The following DLST variants were observed in gnomAD, a reference collection of about 807,000 sequenced individuals.
DLST encodes dihydrolipoyllysine-residue succinyltransferase component of 2-oxoglutarate dehydrogenase complex, mitochondrial.
In DLST, 17 loss-of-function variants were observed where a neutral mutation model predicts 53.1. The observed-to-expected ratio is 0.32, with a 90% CI of 0.22 to 0.48. The LOEUF is 0.48. Among genes scored for constraint, DLST ranks in the 20% least tolerant of loss-of-function variants. The pLI is 0.99. For missense variants in DLST, 512 were observed against 583.9 expected (o/e 0.88, Z 1.27); for synonymous variants, 206 against 204.8 (o/e 1.01, Z -0.05).
rs61747136 is a variant in DLST at position 74,892,906 on chromosome 14, C to G, written c.515C>G (p.Ala172Gly). Reference sequence around the variant, plus strand: ...CCAAAAGCAGAACCTACAGCAGCGGCAGTTCCTCCCCCTGCAGCACCCATA... The same window carrying G: ...CCAAAAGCAGAACCTACAGCAGCGGGAGTTCCTCCCCCTGCAGCACCCATA... ...AAPKAEPTAAAVPPPAAPIPT... is the reference protein window; with the variant it reads ...AAPKAEPTAAGVPPPAAPIPT... Residue 172 changes from alanine (A) to glycine (G), a missense_variant, in exon 8 of 15, where the codon GCA becomes GGA. Ala to Gly is a moderately conservative substitution (Grantham distance 60, BLOSUM62 0). Coordinates refer to ENST00000334220, the MANE Select transcript of DLST (RefSeq NM_001933.5). The G allele has an allele frequency of 1.9e-6, 3 of 1,614,040 alleles. No individual in the cohort carries two copies. In the African/African-American group the frequency reaches 4.0e-5, roughly 22 times the overall value.
chr14:74,883,294 CAAAAAAAAA>C (rs35879783), intron 2 of DLST, among the ~76,000 whole-genome samples: 2 of 67,274 alleles, frequency 3.0e-5, no homozygotes, highest in African/African-American at 9.4e-5. Context: ...GACTCCATCT[CAAAAAAAAA>C]AAAAAAAAAA....
chr14:74,881,920 C>G lies in DLST; in HGVS notation c.-34C>G. The G allele has an allele frequency of 3.3e-6, 5 of 1,516,988 alleles. No homozygotes were observed. Among genetic ancestry groups the G allele is most frequent in the Non-Finnish European group, 4.4e-6 (5 of 1,137,518 alleles). 94.0% of individuals were successfully genotyped at this position (1,516,988 alleles called of 1,614,324 possible). On this transcript the variant is annotated 5_prime_UTR_variant, in exon 1 of 15. The change creates a new upstream start codon in the 5' untranslated region. Transcript: ENST00000334220. ...TTCCGGTTGTTGTCCGGCCCTATATCCGGTGTCCGCCCGCCCTCGGCTCCT... is the reference window on the plus strand; with the variant it reads ...TTCCGGTTGTTGTCCGGCCCTATATGCGGTGTCCGCCCGCCCTCGGCTCCT...
chr14:74,882,519 G>A (rs1883560635), intron 1 of DLST, 72 bp from the exon 2 acceptor site: 1 of 1,485,090 alleles, frequency 6.7e-7, no homozygotes, highest in Non-Finnish European at 9.4e-7. Flanking sequence ...AGCTTTGAGC[G>A]TGTACTTAAA....
chr14:74,889,938 A>G lies in DLST; in HGVS notation c.316A>G (p.Ile106Val), dbSNP rs375575781. The stretch of plus-strand genomic sequence containing the variant: ...TGCAGAAGATGAAGTGGTTTGTGAG[A>G]TTGAAACTGACAAGGTAGGCTTATC... ...TVAEDEVVCE[I>V]ETDKTSVQVP... The change falls in exon 6 of 15, where the codon ATT (isoleucine) becomes GTT (valine). Residue 106 changes from isoleucine to valine, a missense_variant. Transcript: ENST00000334220. 20 of 1,613,744 alleles carry G rather than the reference A, an allele frequency of 1.2e-5. No individual in the cohort carries two copies. Among genetic ancestry groups the G allele is most frequent in the Admixed American group, 1.7e-5 (1 of 59,976 alleles).
chr14:74,890,437 T>C (rs1477819786), intron 6 of DLST, among the ~76,000 whole-genome samples: 3 of 152,158 alleles, frequency 2.0e-5, no homozygotes, highest in Non-Finnish European at 4.4e-5. Flanking sequence ...CTTTAAATTG[T>C]TTGCTGTGTG....
rs1761627896 is a variant in DLST, at chr14:74,900,285, T to C, written c.976-4T>C. 2 of 1,613,774 alleles carry C rather than the reference T, an allele frequency of 1.2e-6. No homozygotes were observed. The highest frequency in any genetic ancestry group is 1.1e-5 in the South Asian group (1 of 91,066). ...AACTGAAAACAGCTTTTCACCCCCT[T>C]CAGGGTCTGGTGGTTCCAGTCATCA... On this transcript the variant is annotated splice_region_variant and splice_polypyrimidine_tract_variant and intron_variant, in intron 12 of 14. Transcript: ENST00000334220.
chr14:74,898,768 C>T (rs1207710612), intron 11 of DLST, among the ~76,000 whole-genome samples: 2 of 152,232 alleles, frequency 1.3e-5, no homozygotes, highest in Non-Finnish European at 1.5e-5. Context: ...TAGCCCAGCT[C>T]TCCAGGCTGT....
chr14:74,889,077 C>T lies in DLST; in HGVS notation c.147-18C>T. Reference sequence around the variant, plus strand: ...TGGTTCGCCTGTTAAAAGGAGTTAACGTGTGTTTCTTTTGTAGCATTAACA... The same window carrying T: ...TGGTTCGCCTGTTAAAAGGAGTTAATGTGTGTTTCTTTTGTAGCATTAACA... On this transcript the variant is annotated intron_variant, in intron 3 of 14. Transcript: ENST00000334220. 5 of 1,613,698 alleles carry T rather than the reference C, an allele frequency of 3.1e-6. No homozygotes were observed. The highest frequency in any genetic ancestry group is 1.1e-5 in the South Asian group (1 of 91,068).
chr14:74,883,164 A>G (rs970884103), intron 2 of DLST, among the ~76,000 whole-genome samples: 2 of 152,034 alleles, frequency 1.3e-5, no homozygotes, highest in Admixed American at 6.5e-5. Flanking sequence ...GCGTGGTGGC[A>G]GGCGCCTGTA....
In DLST at chr14:74,900,342, T is replaced by C. The variant is rs370320107; in HGVS notation, c.1029T>C (p.Ile343=). 3.1e-6 allele frequency: 5 copies of C among 1,613,982 alleles called. No individual in the cohort carries two copies. Among genetic ancestry groups the C allele is most frequent in the Non-Finnish European group, 4.2e-6 (5 of 1,179,906 alleles). ...TGGAAGCTATGAATTTTGCAGATAT[T>C]GAACGGACCATCACTGAACTGGGAG... ...RNVEAMNFAD[I]ERTITELGEK... is the part of the protein sequence containing the mutation. Residue 343 remains isoleucine (I), a synonymous_variant, in exon 13 of 15, where the codon ATT becomes ATC. Transcript: ENST00000334220.
At position 74,889,367 on chromosome 14, in the gene DLST, A is replaced by ATTTTTTTTTT; in HGVS notation, c.274+29_274+38dup. ...GGAGAAAGGTAAGATTTAGTTTCCTATTTTTTTTTTTTTTTTTTTTGAGAC... is the reference window on the plus strand; with the variant it reads ...GGAGAAAGGTAAGATTTAGTTTCCTATTTTTTTTTTTTTTTTTTTTTTTTTTTTTTGAGAC... On this transcript the variant is annotated intron_variant, in intron 5 of 14. Coordinates refer to ENST00000334220, the MANE Select transcript of DLST (RefSeq NM_001933.5). The ATTTTTTTTTT allele has an allele frequency of 8.3e-7, 1 of 1,210,308 alleles. No individual in the cohort carries two copies. 75.0% of individuals were successfully genotyped at this position (1,210,308 alleles called of 1,614,324 possible).
chr14:74,885,147 C>T (rs954294157), intron 2 of DLST, among the ~76,000 whole-genome samples: 1 of 152,196 alleles, frequency 6.6e-6, no homozygotes, highest in African/African-American at 2.4e-5. Context: ...CAAACCCAGA[C>T]CAAACATCCT....
intron 9 of DLST, 53 bp from the exon 10 acceptor site, chr14:74,894,259 T>C: frequency 6.2e-7 from 1 of 1,602,282 alleles, no homozygotes; most frequent in Non-Finnish European, 8.5e-7. Flanking sequence ...ACACGGGGAA[T>C]GCTTGACCCA....
intron 11 of DLST, among the ~76,000 whole-genome samples, chr14:74,899,052 G>C (rs1282477743): frequency 1.3e-5 from 2 of 152,210 alleles, no homozygotes; most frequent in Non-Finnish European, 2.9e-5. Context: ...GGAGATTGGA[G>C]AGGGGTCAGT....
chr14:74,891,357 T>C (rs945462318), intron 7 of DLST, 190 bp downstream of exon 7: 2 of 1,368,334 alleles, frequency 1.5e-6, no homozygotes, highest in Middle Eastern at 2.2e-4. Context: ...AAGTGTATTT[T>C]TTAAAAAATA....
rs752532083 is a variant in DLST, at chr14:74,900,295, G to A, written c.982G>A (p.Val328Met). The change falls in exon 13 of 15, where the codon GTG becomes ATG. Residue 328 changes from valine (V) to methionine (M), a missense_variant. Val to Met is a conservative substitution (Grantham distance 21, BLOSUM62 1). Around this residue, in one of 4 missense-constraint regions of DLST, gnomAD observed 186 missense variants for 260.4 expected, o/e 0.71. Coordinates refer to ENST00000334220, the MANE Select transcript of DLST (RefSeq NM_001933.5). ...SVAVATPRGL[V>M]VPVIRNVEAM... is the part of the protein sequence containing the mutation. ...AGCTTTTCACCCCCTTCAGGGTCTG[G>A]TGGTTCCAGTCATCAGGAATGTGGA... 2.5e-6 allele frequency: 4 copies of A among 1,613,812 alleles called. No individual in the cohort carries two copies. The highest frequency in any genetic ancestry group is 2.2e-5 in the South Asian group (2 of 91,070).
Position 74,901,163 on chromosome 14 carries a change from T to C in DLST, c.1157T>C (p.Ile386Thr). The C allele has an allele frequency of 6.2e-7, 1 of 1,614,224 alleles. No homozygotes were observed. Among genetic ancestry groups the C allele is most frequent in the Non-Finnish European group, 8.5e-7 (1 of 1,180,034 alleles). ...VFGSLFGTPI[I>T]NPPQSAILGM... ...GGCTCGCTCTTTGGAACACCCATTA[T>C]CAACCCCCCTCAGTCTGCCATCCTG... The change falls in exon 14 of 15, where the codon ATC (isoleucine) becomes ACC (threonine). Residue 386 changes from isoleucine (I) to threonine (T), a missense_variant. By Grantham distance (89) the Ile-to-Thr change is moderately conservative (BLOSUM62 -1). Coordinates refer to ENST00000334220, the MANE Select transcript of DLST (RefSeq NM_001933.5).
intron 11 of DLST, 125 bp from the exon 12 acceptor site, chr14:74,899,798 A>C (rs934726865): frequency 2.9e-6 from 2 of 683,354 alleles, no homozygotes; most frequent in African/African-American, 3.6e-5. Context: ...AGTGGTGTTC[A>C]TGGTGGTTGG....
At chr14:74,889,225 A>G (rs530073855) in intron 4 of DLST, 50 bp from the exon 5 acceptor site, 1 of 1,606,962 alleles carries the variant, frequency 6.2e-7, no homozygotes, top group African/African-American at 1.3e-5. Flanking sequence ...GAAAAATATT[A>G]AAAAGGAAAA....
Sources: allele counts gnomAD v4.1 joint callset (sites outside exome capture counted in the v4.1 genomes callset), GRCh38; gene constraint gnomAD v4.1.1; regional missense constraint gnomAD v4.1.1; transcripts MANE v1.5; gene names NCBI Gene and HGNC (gene_info 2026-07-23, HGNC 2026-07-21).